The following PCDHA5 variants were observed in gnomAD, a reference collection of about 807,000 sequenced individuals.
PCDHA5 encodes protocadherin alpha-5.
PCDHA5 carries 43 observed loss-of-function variants against 61.6 expected under a neutral mutation model. The observed-to-expected ratio is 0.70, with a 90% CI of 0.55 to 0.90. PCDHA5 has a LOEUF of 0.90. PCDHA5 is among the 40% of genes least tolerant of loss of function. The pLI is 0.00. For synonymous variants in PCDHA5, 627 were observed against 543.9 expected, an observed-to-expected ratio of 1.15 and a Z score of -2.13; for missense variants, 1,298 against 1,222.7, an observed-to-expected ratio of 1.06 and a Z score of -0.92.
intron 1 of PCDHA5, chr5:140,828,454 G>A (rs146288766): frequency 6.2e-7 from 1 of 1,614,124 alleles, no homozygotes; most frequent in African/African-American, 1.3e-5. Context: ...ATGTGGACGT[G>A]GAGGTGAGGG....
intron 1 of PCDHA5, among the ~76,000 whole-genome samples, chr5:140,941,213 TCC>T (rs1491191685): frequency 2.4e-4 from 26 of 106,900 alleles, no homozygotes; most frequent in African/African-American, 9.0e-4. Context: ...CTTTCTTTCT[TCC>T]TTTCTTTCTT....
chr5:140,861,631 C>G (rs960525062), intron 1 of PCDHA5: 2 of 314,942 alleles, frequency 6.4e-6, no homozygotes, highest in Admixed American at 7.0e-5. Flanking sequence ...GTGTTCTCAG[C>G]AACACAAAAG....
chr5:140,876,791 G>A (rs782617794), intron 1 of PCDHA5: 1 of 1,614,242 alleles, frequency 6.2e-7, no homozygotes, highest in Non-Finnish European at 8.5e-7. Context: ...GCCACGGCTA[G>A]AGTGTCCGTG....
intron 1 of PCDHA5, chr5:140,855,801 T>C: frequency 2.1e-6 from 1 of 474,526 alleles, no homozygotes. Context: ...AACATATGAA[T>C]GAAAGAAAAG....
rs35184029 is a variant in PCDHA5 at position 140,997,668 on chromosome 5, T to TTGTG, written c.2501-11933_2501-11930dup. 2.7e-3 allele frequency among the ~76,000 whole-genome samples: 396 copies of TTGTG among 148,340 alleles called. 1 individual carries two copies. Among genetic ancestry groups the TTGTG allele is most frequent in the African/African-American group, 5.1e-3 (207 of 40,232 alleles). On this transcript the variant is annotated intron_variant, in intron 3 of 3. Transcript: ENST00000529859. ...AATGCAATATGTATTATTATACAGC[T>TTGTG]TGTGTGTGTGTGTGTGTGTGTGTGT...
chr5:140,899,465 T>C (rs1291429349), intron 1 of PCDHA5, among the ~76,000 whole-genome samples: 2 of 152,232 alleles, frequency 1.3e-5, no homozygotes, highest in African/African-American at 4.8e-5. Context: ...GTTTTTGTCT[T>C]TGGTTCTGTT....
At chr5:140,826,951 A>T (rs1261323205) in intron 1 of PCDHA5, among the ~76,000 whole-genome samples, 1 of 152,224 alleles carries the variant, frequency 6.6e-6, no homozygotes, top group Non-Finnish European at 1.5e-5. Flanking sequence ...GAATAAGGCA[A>T]GCCAGGGAAA....
chr5:140,924,437 T>A (rs2081836231), intron 1 of PCDHA5, among the ~76,000 whole-genome samples: 1 of 152,206 alleles, frequency 6.6e-6, no homozygotes, highest in Admixed American at 6.5e-5. Flanking sequence ...CTAGAAGAGA[T>A]AACGAATGGG....
chr5:140,846,760 A>G (rs2150394532), intron 1 of PCDHA5, among the ~76,000 whole-genome samples: 3 of 149,554 alleles, frequency 2.0e-5, no homozygotes, highest in South Asian at 4.2e-4. Flanking sequence ...CTCTAACAGC[A>G]TATCATCATG....
chr5:140,823,408 G>A lies in PCDHA5; in HGVS notation c.1633G>A (p.Gly545Ser), dbSNP rs143450009. The change falls in exon 1 of 4, where the codon GGC becomes AGC. Residue 545 changes from glycine to serine, a missense_variant. Coordinates refer to ENST00000529859, the MANE Select transcript of PCDHA5 (RefSeq NM_018908.3). Reference protein sequence around the residue: ...SARDAGVPPLGSNVTLQVFVL... With the variant: ...SARDAGVPPLSSNVTLQVFVL... ...GCGCGACGCGGGCGTGCCGCCTCTGGGCAGCAACGTGACGCTGCAGGTGTT... is the reference window on the plus strand; with the variant it reads ...GCGCGACGCGGGCGTGCCGCCTCTGAGCAGCAACGTGACGCTGCAGGTGTT... 1.1e-4 allele frequency: 171 copies of A among 1,613,150 alleles called. No homozygotes were observed. The African/African-American group carries it at 1.9e-3, about 18-fold the overall frequency.
At chr5:140,894,793 T>C (rs1269028222) in intron 1 of PCDHA5, among the ~76,000 whole-genome samples, 2 of 152,170 alleles carry the variant, frequency 1.3e-5, no homozygotes, top group Non-Finnish European at 2.9e-5. Flanking sequence ...TGTCCTCTCC[T>C]TTAAAAATAA....
chr5:140,878,406 T>A (rs1198360264), intron 1 of PCDHA5, among the ~76,000 whole-genome samples: 2 of 152,254 alleles, frequency 1.3e-5, no homozygotes, highest in Non-Finnish European at 2.9e-5. Flanking sequence ...CAAAATATCT[T>A]CTTTATTTCA....
intron 1 of PCDHA5, chr5:140,877,927 A>C: frequency 7.1e-7 from 1 of 1,416,192 alleles, no homozygotes; most frequent in South Asian, 1.6e-5. Flanking sequence ...TTTCTTTATG[A>C]TTCTATCCTT....
At chr5:140,877,498 C>G in intron 1 of PCDHA5, 1 of 1,613,844 alleles carries the variant, frequency 6.2e-7, no homozygotes, top group Non-Finnish European at 8.5e-7. Context: ...CGGCCAGGCC[C>G]CAAAGACGTC....
At chr5:140,835,811 T>C (rs2150245385) in intron 1 of PCDHA5, 22 of 1,612,912 alleles carry the variant, frequency 1.4e-5, no homozygotes, top group African/African-American at 1.1e-4. Flanking sequence ...ACATCTTCAC[T>C]GTGTCGGCGG....
In PCDHA5 at chr5:140,996,437, G is replaced by A. The variant is rs1013018828; in HGVS notation, c.2501-13190G>A. On this transcript the variant is annotated intron_variant, in intron 3 of 3. Coordinates refer to ENST00000529859, the MANE Select transcript of PCDHA5 (RefSeq NM_018908.3). Reference sequence around the variant, plus strand: ...AGTGTGAAAACTTTGGGAATAGTCAGTGTCAAGTTGTGGTGCTAAGGGAGG... The same window carrying A: ...AGTGTGAAAACTTTGGGAATAGTCAATGTCAAGTTGTGGTGCTAAGGGAGG... Among the ~76,000 whole-genome samples the A allele has an allele frequency of 4.6e-5, 7 of 152,224 alleles. 1 individual carries two copies. The highest frequency in any genetic ancestry group is 2.6e-4 in the Admixed American group (4 of 15,280).
chr5:140,841,795 C>G (rs2150322842), intron 1 of PCDHA5: 8 of 1,613,824 alleles, frequency 5.0e-6, no homozygotes, highest in Non-Finnish European at 6.8e-6. Flanking sequence ...AGGGCGCGTC[C>G]GATGCAGATG....
chr5:140,920,204 G>A (rs185996994), intron 1 of PCDHA5, among the ~76,000 whole-genome samples: 3 of 152,222 alleles, frequency 2.0e-5, no homozygotes, highest in Admixed American at 1.3e-4. Context: ...AGCAGCCACA[G>A]AAAACCAATG....
At chr5:140,831,149 C>G (rs561074158) in intron 1 of PCDHA5, 1 of 152,098 alleles carries the variant, frequency 6.6e-6, no homozygotes, top group Non-Finnish European at 1.5e-5. Flanking sequence ...TATTTACTAC[C>G]GATCTAAATA....
Sources: gnomAD v4.1 joint callset for allele counts (sites outside exome capture counted in the v4.1 genomes callset) on GRCh38, gnomAD v4.1.1 for gene constraint, MANE v1.5 for transcripts, NCBI Gene and HGNC (gene_info 2026-07-23, HGNC 2026-07-21) for gene names.